Variants in NUBP1 observed in about 807,000 individuals in gnomAD.
NUBP1 encodes the protein NUBP iron-sulfur cluster assembly factor 1, cytosolic.
Under a neutral mutation model 41.8 loss-of-function variants are expected in NUBP1, and 46 were observed. The observed-to-expected ratio is 1.10, with a 90% CI of 0.87 to 1.41. NUBP1 has a LOEUF of 1.41. Ranked by LOEUF, NUBP1 falls within the 40% of genes most tolerant of loss-of-function variation. The pLI, the probability that NUBP1 is intolerant of heterozygous loss-of-function variation, is 0.00. For missense variants in NUBP1, 494 were observed against 414.0 expected, an observed-to-expected ratio of 1.19 and a Z score of -1.68; for synonymous variants, 189 against 154.6, an observed-to-expected ratio of 1.22 and a Z score of -1.65.
At chr16:10,746,213 T>A (rs1900055506) in intron 2 of NUBP1, among the ~76,000 whole-genome samples, 1 of 152,220 alleles carries the variant, frequency 6.6e-6, no homozygotes, top group Non-Finnish European at 1.5e-5. Context: ...TCATGAGACT[T>A]TTTAATTTCC....
At chr16:10,750,746 T>C (rs957320531) in intron 3 of NUBP1, among the ~76,000 whole-genome samples, 1 of 152,150 alleles carries the variant, frequency 6.6e-6, no homozygotes, top group African/African-American at 2.4e-5. Flanking sequence ...CAGAAGCAAC[T>C]TGTGCAAGGA....
chr16:10,743,908 C>G, intron 1 of NUBP1, 26 bp downstream of exon 1: 4 of 1,572,210 alleles, frequency 2.5e-6, no homozygotes, highest in Non-Finnish European at 3.4e-6. Context: ...GGGCGTGGGT[C>G]GCGGGGCGAA....
chr16:10,758,613 A>G (rs1029554986), intron 7 of NUBP1, among the ~76,000 whole-genome samples: 3 of 152,200 alleles, frequency 2.0e-5, no homozygotes, highest in African/African-American at 7.2e-5. Flanking sequence ...TGAGGAAACT[A>G]GGGAAACCAC....
In NUBP1 at chr16:10,768,059, C is replaced by T; in HGVS notation, c.904+27C>T. On this transcript the variant is annotated intron_variant, in intron 10 of 10. Coordinates refer to ENST00000283027, the MANE Select transcript of NUBP1 (RefSeq NM_002484.4). The surrounding 1 kb of genome is among the most constrained non-coding windows in gnomAD (Gnocchi z 4.3). ...TAAGTATTTCCATGAGTACTAAATGCAGATGCCTGTGGGGCAGGAAGCAAC... is the reference window on the plus strand; with the variant it reads ...TAAGTATTTCCATGAGTACTAAATGTAGATGCCTGTGGGGCAGGAAGCAAC... The T allele has an allele frequency of 6.2e-7, 1 of 1,601,562 alleles. No homozygotes were observed. Among genetic ancestry groups the T allele is most frequent in the African/African-American group, 1.3e-5 (1 of 74,748 alleles).
intron 2 of NUBP1, among the ~76,000 whole-genome samples, chr16:10,745,704 T>A (rs191322016): frequency 6.6e-6 from 1 of 152,318 alleles, no homozygotes; most frequent in East Asian, 1.9e-4. Context: ...AGTTACATTC[T>A]TGTGAGGTTT....
rs373793047 is a variant in NUBP1, at chr16:10,766,619, C to T, written c.821-1330C>T. On this transcript the variant is annotated intron_variant, in intron 9 of 10. Transcript: ENST00000283027. The surrounding 1 kb of genome is among the most constrained non-coding windows in gnomAD (Gnocchi z 4.8). ...GGTCTCATGGGCCCAGCGTTAACGG[C>T]GGAGGATGTCCAGGTTCTTGGTGTC... 1.3e-4 allele frequency: 26 copies of T among 201,056 alleles called. No individual in the cohort carries two copies. Among genetic ancestry groups the T allele is most frequent in the African/African-American group, 4.8e-4 (21 of 43,432 alleles). The allele number at this position is 201,056 out of a possible 1,614,324, so 12.5% of individuals were successfully genotyped here.
intron 3 of NUBP1, among the ~76,000 whole-genome samples, chr16:10,750,730 C>T (rs1378195382): frequency 6.6e-6 from 1 of 152,158 alleles, no homozygotes; most frequent in Non-Finnish European, 1.5e-5. Flanking sequence ...GCCAAGGCTT[C>T]GAAAGCAGAA....
chr16:10,757,019 G>T lies in NUBP1; in HGVS notation c.451+239G>T, dbSNP rs989749265. On this transcript the variant is annotated intron_variant, in intron 6 of 10. Coordinates refer to ENST00000283027, the MANE Select transcript of NUBP1 (RefSeq NM_002484.4). The surrounding 1 kb of genome is among the most constrained non-coding windows in gnomAD (Gnocchi z 4.1). Reference sequence around the variant, plus strand: ...TCTCCTTAAAAGCTGTAGAACCCTGGTCGGGTGTGGTAGCTCACGCCTGTA... The same window carrying T: ...TCTCCTTAAAAGCTGTAGAACCCTGTTCGGGTGTGGTAGCTCACGCCTGTA... Among the ~76,000 whole-genome samples, 2 of 152,170 alleles carry T rather than the reference G, an allele frequency of 1.3e-5. No homozygotes were observed. Among genetic ancestry groups the T allele is most frequent in the African/African-American group, 4.8e-5 (2 of 41,424 alleles).
rs187897447 is a variant in NUBP1 at position 10,759,584 on chromosome 16, G to C, written c.606+1557G>C. On this transcript the variant is annotated intron_variant, in intron 7 of 10. Coordinates refer to ENST00000283027, the MANE Select transcript of NUBP1 (RefSeq NM_002484.4). The surrounding 1 kb of genome is among the most constrained non-coding windows in gnomAD (Gnocchi z 4.7). ...AGGTCAGGAGTTCGAGACCAGACTG[G>C]CCAATATGGCAAAACCCTGTCTCTA... Among the ~76,000 whole-genome samples, 1 of 152,136 alleles carries C rather than the reference G, an allele frequency of 6.6e-6. No individual in the cohort carries two copies. Among genetic ancestry groups the C allele is most frequent in the African/African-American group, 2.4e-5 (1 of 41,434 alleles).
At chr16:10,762,190 G>A (rs1052771186) in intron 9 of NUBP1, 3 of 212,562 alleles carry the variant, frequency 1.4e-5, no homozygotes, top group Non-Finnish European at 2.8e-5. Flanking sequence ...ATGGCGTCCA[G>A]GTTACAGAGG....
intron 3 of NUBP1, among the ~76,000 whole-genome samples, chr16:10,751,564 G>A (rs1900321770): frequency 6.6e-6 from 1 of 152,126 alleles, no homozygotes; most frequent in African/African-American, 2.4e-5. Context: ...GTGACGCGGA[G>A]GTGCAGCACT....
At position 10,766,771 on chromosome 16, in the gene NUBP1, CAG is replaced by C. The variant is rs1211069007; in HGVS notation, c.821-1175_821-1174del. 1 of 396,614 alleles carries C rather than the reference CAG, an allele frequency of 2.5e-6. No individual in the cohort carries two copies. The highest frequency in any genetic ancestry group is 3.6e-5 in the East Asian group (1 of 28,044). The allele number at this position is 396,614 out of a possible 1,614,324, so 24.6% of individuals were successfully genotyped here. ...GAATAGGGGCTCAAAGGCCCCATTACAGAGTTTTTGTGTTTAAATACCCTCTA... is the reference window on the plus strand; with the variant it reads ...GAATAGGGGCTCAAAGGCCCCATTACAGTTTTTGTGTTTAAATACCCTCTA... On this transcript the variant is annotated intron_variant, in intron 9 of 10. Coordinates refer to ENST00000283027, the MANE Select transcript of NUBP1 (RefSeq NM_002484.4). The surrounding 1 kb of genome is among the most constrained non-coding windows in gnomAD (Gnocchi z 4.8).
chr16:10,753,914 G>A (rs773519215), intron 4 of NUBP1, among the ~76,000 whole-genome samples: 2 of 152,264 alleles, frequency 1.3e-5, no homozygotes, highest in Middle Eastern at 6.8e-3. Flanking sequence ...AGATGGGGCC[G>A]GCCTTGCAGG....
At position 10,767,540 on chromosome 16, in the gene NUBP1, T is replaced by C. The variant is rs1453676616; in HGVS notation, c.821-409T>C. Reference sequence around the variant, plus strand: ...CGCATAATCTTTCTGGAAAGACACCTAGAACACTAGTAGCCCTTTTCGGAC... The same window carrying C: ...CGCATAATCTTTCTGGAAAGACACCCAGAACACTAGTAGCCCTTTTCGGAC... On this transcript the variant is annotated intron_variant, in intron 9 of 10. Transcript: ENST00000283027. This position sits in a 1 kb window ranked among gnomAD's most constrained non-coding sequence, Gnocchi z 4.6. 4.5e-6 allele frequency: 2 copies of C among 447,378 alleles called. No homozygotes were observed. Among genetic ancestry groups the C allele is most frequent in the Non-Finnish European group, 7.8e-6 (2 of 255,990 alleles). The allele number at this position is 447,378 out of a possible 1,614,324, so 27.7% of individuals were successfully genotyped here.
chr16:10,758,456 G>C (rs78158891), intron 7 of NUBP1, among the ~76,000 whole-genome samples: 4,345 of 152,298 alleles, frequency 0.029, 225 homozygotes, highest in African/African-American at 0.099. Flanking sequence ...CAGCGCAAGC[G>C]AGTGAGGCCT....
At position 10,747,294 on chromosome 16, in the gene NUBP1, A is replaced by T. The variant is rs1213032848; in HGVS notation, c.258+18A>T. The stretch of plus-strand genomic sequence containing the variant: ...ACACACAGGTGAGACCTCAGGAACC[A>T]CTGGGAGATGCTCATTTTGTCTGAG... On this transcript the variant is annotated intron_variant, in intron 3 of 10. Transcript: ENST00000283027. The T allele has an allele frequency of 1.2e-6, 2 of 1,611,134 alleles. No homozygotes were observed. Among genetic ancestry groups the T allele is most frequent in the Non-Finnish European group, 1.7e-6 (2 of 1,179,038 alleles).
intron 7 of NUBP1, among the ~76,000 whole-genome samples, chr16:10,760,194 G>A (rs77786340): frequency 6.6e-6 from 1 of 152,238 alleles, no homozygotes; most frequent in South Asian, 2.1e-4. Flanking sequence ...AAACTTTTCT[G>A]TAAAGGGCCA....
chr16:10,748,859 G>T (rs1900175632), intron 3 of NUBP1, among the ~76,000 whole-genome samples: 1 of 152,060 alleles, frequency 6.6e-6, no homozygotes, highest in African/African-American at 2.4e-5. Flanking sequence ...GGAGGCTGAG[G>T]CAGGCGGATC....
At chr16:10,745,713 T>A (rs892994175) in intron 2 of NUBP1, among the ~76,000 whole-genome samples, 13 of 152,186 alleles carry the variant, frequency 8.5e-5, no homozygotes, top group African/African-American at 3.1e-4. Context: ...CTTGTGAGGT[T>A]TTAATTCGTG....
Sources: allele counts gnomAD v4.1 joint callset (sites outside exome capture counted in the v4.1 genomes callset), GRCh38; gene constraint gnomAD v4.1.1; non-coding constraint Gnocchi (gnomAD v3.1); transcripts MANE v1.5; gene names NCBI Gene and HGNC (gene_info 2026-07-23, HGNC 2026-07-21).